ATP2C2: variants seen among roughly 807,000 people sequenced by gnomAD.
The protein encoded by ATP2C2 is calcium-transporting ATPase type 2C member 2.
ATP2C2 carries 171 observed loss-of-function variants against 110.8 expected under a neutral mutation model. That is an observed-to-expected ratio of 1.54 (90% CI 1.36 to 1.75). The LOEUF (loss-of-function observed/expected upper bound fraction) is 1.75. Ranked by LOEUF, ATP2C2 falls within the 40% of genes most tolerant of loss-of-function variation. The probability of loss-of-function intolerance (pLI) is 0.00; values close to 1 mark genes in which losing one functional copy is unlikely to be tolerated. For missense variants in ATP2C2, 1,963 were observed against 1,235.0 expected, an observed-to-expected ratio of 1.59 and a Z score of -8.84; for synonymous variants, 804 against 508.4, an observed-to-expected ratio of 1.58 and a Z score of -7.82.
intron 11 of ATP2C2, among the ~76,000 whole-genome samples, chr16:84,438,143 T>C (rs1048133945): frequency 1.3e-5 from 2 of 152,188 alleles, no homozygotes; most frequent in African/African-American, 4.8e-5. Flanking sequence ...GACATTTGGG[T>C]TGTCATAGTT....
chr16:84,394,266 G>T (rs1464320814), intron 1 of ATP2C2, among the ~76,000 whole-genome samples: 1 of 152,016 alleles, frequency 6.6e-6, no homozygotes, highest in East Asian at 1.9e-4. Context: ...CATTGTAATG[G>T]GATCTAGTAC....
chr16:84,455,492 T>C (rs976694564), intron 21 of ATP2C2, among the ~76,000 whole-genome samples: 4 of 152,226 alleles, frequency 2.6e-5, no homozygotes, highest in Non-Finnish European at 4.4e-5. Context: ...AGGTGCTCTC[T>C]AGGTTCTGGG....
intron 23 of ATP2C2, 60 bp from the exon 24 acceptor site, chr16:84,460,594 C>G: frequency 6.2e-7 from 1 of 1,611,764 alleles, no homozygotes. Context: ...ACAGCTGTTT[C>G]AAGGGTCCTT....
intron 1 of ATP2C2, among the ~76,000 whole-genome samples, chr16:84,393,428 G>A (rs1904779468): frequency 6.6e-6 from 1 of 152,062 alleles, no homozygotes; most frequent in African/African-American, 2.4e-5. Context: ...CTGAGGCAGA[G>A]CAAGCCCTCA....
At chr16:84,463,579 C>T (rs1911613956) in intron 26 of ATP2C2, 35 bp from the exon 27 acceptor site, 1 of 1,570,726 alleles carries the variant, frequency 6.4e-7, no homozygotes, top group African/African-American at 1.4e-5. Flanking sequence ...GAGCTGCAGC[C>T]CGTCCTGAAT....
intron 1 of ATP2C2, among the ~76,000 whole-genome samples, chr16:84,387,562 G>A (rs374983969): frequency 3.3e-5 from 5 of 152,104 alleles, no homozygotes; most frequent in Admixed American, 6.5e-5. Flanking sequence ...CCATGTGCAC[G>A]TACTTAAATA....
intron 16 of ATP2C2, among the ~76,000 whole-genome samples, chr16:84,447,180 C>G (rs190244796): frequency 6.6e-6 from 1 of 152,300 alleles, no homozygotes; most frequent in East Asian, 1.9e-4. Context: ...TCTATCATGT[C>G]TGCCCACGCA....
Position 84,417,211 on chromosome 16 carries a change from A to G in ATP2C2, c.624+1620A>G, listed in dbSNP as rs138314770. ...ATCTTCAGAGATGCCAAAAGTGCTC[A>G]GAACGGTGCCTGGCACAGGTGAGTG... On this transcript the variant is annotated intron_variant, in intron 7 of 26. Transcript: ENST00000262429. Among the ~76,000 whole-genome samples the G allele has an allele frequency of 2.6e-5, 4 of 152,328 alleles. No individual in the cohort carries two copies. The East Asian group carries it at 7.7e-4, about 29-fold the overall frequency.
At chr16:84,421,147 G>C (rs1369941495) in intron 7 of ATP2C2, among the ~76,000 whole-genome samples, 4 of 152,304 alleles carry the variant, frequency 2.6e-5, no homozygotes, top group African/African-American at 7.2e-5. Flanking sequence ...GTATTTTCCA[G>C]AATGTTCTTT....
At chr16:84,399,998 A>G (rs1051556190) in intron 2 of ATP2C2, among the ~76,000 whole-genome samples, 2 of 151,666 alleles carry the variant, frequency 1.3e-5, no homozygotes, top group African/African-American at 4.9e-5. Context: ...ATCAGCGAGA[A>G]CCTGCAAAGT....
At chr16:84,370,679 T>A (rs1158868980) in intron 1 of ATP2C2, among the ~76,000 whole-genome samples, 2 of 151,830 alleles carry the variant, frequency 1.3e-5, no homozygotes. Flanking sequence ...AATTGTCTTT[T>A]TTTTTTTTTG....
At chr16:84,449,686 G>A (rs996299435) in intron 17 of ATP2C2, among the ~76,000 whole-genome samples, 1 of 152,206 alleles carries the variant, frequency 6.6e-6, no homozygotes, top group Admixed American at 6.5e-5. Flanking sequence ...TGACACCAGC[G>A]ACGGGGCTGT....
At chr16:84,454,556 C>A (rs1457565506) in intron 20 of ATP2C2, among the ~76,000 whole-genome samples, 2 of 152,174 alleles carry the variant, frequency 1.3e-5, no homozygotes, top group African/African-American at 4.8e-5. Flanking sequence ...GTGCTGGGCA[C>A]CGTCACATCC....
At position 84,462,265 on chromosome 16, in the gene ATP2C2, G is replaced by C. The variant is rs1275834813; in HGVS notation, c.2722+136G>C. ...TCACCAGGGGCCGGCTCTGTCTTCA[G>C]GGCCCTTCTGTCCTCACAGGAAGGG... is the stretch of plus-strand genomic sequence containing the variant. On this transcript the variant is annotated intron_variant, in intron 26 of 26. Transcript: ENST00000262429. 3.4e-6 allele frequency: 4 copies of C among 1,182,700 alleles called. No individual in the cohort carries two copies. The African/African-American group carries it at 6.1e-5, about 18-fold the overall frequency. The allele number at this position is 1,182,700 out of a possible 1,614,324, so 73.3% of individuals were successfully genotyped here. A position where few individuals can be genotyped will look rare whatever the true frequency, so the allele number is the denominator to read the frequency against.
chr16:84,427,908 A>G (rs1398266156), intron 11 of ATP2C2, among the ~76,000 whole-genome samples: 2 of 152,210 alleles, frequency 1.3e-5, no homozygotes, highest in African/African-American at 4.8e-5. Flanking sequence ...CCACCATTCA[A>G]TTATATATGT....
chr16:84,417,057 T>A (rs1364477728), intron 7 of ATP2C2, among the ~76,000 whole-genome samples: 1 of 152,166 alleles, frequency 6.6e-6, no homozygotes, highest in Non-Finnish European at 1.5e-5. Flanking sequence ...TAGCCTGGGC[T>A]TGAGCCCTGG....
intron 11 of ATP2C2, among the ~76,000 whole-genome samples, chr16:84,429,595 C>G (rs570863503): frequency 6.6e-6 from 1 of 152,150 alleles, no homozygotes; most frequent in South Asian, 2.1e-4. Context: ...ACAAGACAGT[C>G]ATGGTTCCCA....
chr16:84,386,465 C>G (rs982620710), intron 1 of ATP2C2, among the ~76,000 whole-genome samples: 1 of 152,178 alleles, frequency 6.6e-6, no homozygotes, highest in Non-Finnish European at 1.5e-5. Flanking sequence ...TAACCCATCT[C>G]CTCACCTTGC....
At chr16:84,448,967 A>G (rs970691391) in intron 17 of ATP2C2, among the ~76,000 whole-genome samples, 1 of 152,184 alleles carries the variant, frequency 6.6e-6, no homozygotes, top group African/African-American at 2.4e-5. Context: ...CACCCCAAAC[A>G]TTGATTTTCC....
Sources: gnomAD v4.1 joint callset for allele counts (sites outside exome capture counted in the v4.1 genomes callset) on GRCh38, gnomAD v4.1.1 for gene constraint, MANE v1.5 for transcripts, NCBI Gene and HGNC (gene_info 2026-07-23, HGNC 2026-07-21) for gene names.